The following SPON1 variants were observed in gnomAD, a reference collection of about 807,000 sequenced individuals.
The protein encoded by SPON1 is spondin 1, also known as spondin-1.
Under a neutral mutation model 111.7 loss-of-function variants are expected in SPON1, and 52 were observed. The observed-to-expected ratio is 0.47, with a 90% confidence interval of 0.37 to 0.59. SPON1 has a LOEUF of 0.59. Ranked by LOEUF, SPON1 falls within the 20% of genes least tolerant of loss-of-function variation. The probability of loss-of-function intolerance (pLI) is 0.00; values close to 1 mark genes in which losing one functional copy is unlikely to be tolerated. For missense variants in SPON1, 957 were observed against 1,068.5 expected (o/e 0.90, Z 1.46); for synonymous variants, 410 against 395.8 (o/e 1.04, Z -0.43).
At chr11:14,075,602 T>G (rs1848911033) in intron 4 of SPON1, among the ~76,000 whole-genome samples, 184 bp downstream of exon 4, 2 of 152,172 alleles carry the variant, frequency 1.3e-5, no homozygotes, top group Middle Eastern at 3.2e-3. Flanking sequence ...CGCCTTAAGC[T>G]CTAATTACTC....
Position 14,260,630 on chromosome 11 carries a change from A to G in SPON1, c.1874A>G (p.Asp625Gly), listed in dbSNP as rs782809914. The change falls in exon 14 of 16, where the codon GAC (aspartate) becomes GGC (glycine). Residue 625 changes from aspartate to glycine, a missense_variant. Physicochemically the swap from Asp to Gly is moderately conservative, Grantham distance 94. Transcript: ENST00000576479. ...CLLSPWSEWS[D>G]CSVTCGKGMR... ...CTGTCCCCATGGTCCGAGTGGAGTG[A>G]CTGCAGCGTGACCTGCGGGAAGGGC... 1.2e-6 allele frequency: 2 copies of G among 1,613,986 alleles called. No homozygotes were observed.
chr11:14,097,305 G>A (rs1009657097), intron 5 of SPON1, among the ~76,000 whole-genome samples: 4 of 152,068 alleles, frequency 2.6e-5, no homozygotes, highest in Non-Finnish European at 5.9e-5. Context: ...CATGTTTCCT[G>A]GTTTAAAAAT....
intron 6 of SPON1, among the ~76,000 whole-genome samples, chr11:14,220,771 TA>T (rs1848672276): frequency 6.6e-6 from 1 of 152,242 alleles, no homozygotes; most frequent in Non-Finnish European, 1.5e-5. Context: ...GTTATTAGTT[TA>T]ATTGAATAAT....
chr11:13,972,808 G>A (rs1848073250), intron 1 of SPON1, among the ~76,000 whole-genome samples: 1 of 152,136 alleles, frequency 6.6e-6, no homozygotes, highest in South Asian at 2.1e-4. Flanking sequence ...TCTTTCCACT[G>A]CAAGTGATAG....
chr11:14,054,083 A>G (rs1169259285), intron 3 of SPON1, among the ~76,000 whole-genome samples: 1 of 152,206 alleles, frequency 6.6e-6, no homozygotes, highest in Non-Finnish European at 1.5e-5. Context: ...GTGAACAATA[A>G]GATTGCATAA....
At chr11:14,242,537 C>T (rs782315462) in intron 6 of SPON1, among the ~76,000 whole-genome samples, 2 of 152,172 alleles carry the variant, frequency 1.3e-5, no homozygotes, top group African/African-American at 2.4e-5. Context: ...CTGTGGAGGC[C>T]TCCAGCCTTG....
intron 5 of SPON1, among the ~76,000 whole-genome samples, chr11:14,081,099 C>A (rs1278211787): frequency 9.2e-5 from 14 of 151,782 alleles, no homozygotes; most frequent in African/African-American, 1.9e-4. Context: ...AAAAAAAAAT[C>A]TTTTCATAAC....
chr11:14,244,935 C>A (rs1030419737), intron 7 of SPON1, among the ~76,000 whole-genome samples: 4 of 152,188 alleles, frequency 2.6e-5, no homozygotes, highest in Non-Finnish European at 4.4e-5. Flanking sequence ...GAATCCTGGG[C>A]AGTTCCTTGA....
chr11:14,113,529 G>A (rs1170086982), intron 5 of SPON1, among the ~76,000 whole-genome samples: 1 of 144,118 alleles, frequency 6.9e-6, no homozygotes, highest in Non-Finnish European at 1.5e-5. Flanking sequence ...ACTATGTGCA[G>A]GTCTTTGGAA....
In SPON1 at chr11:14,022,507, C is replaced by A. The variant is rs1044199783; in HGVS notation, c.346-19014C>A. 2.0e-5 allele frequency among the ~76,000 whole-genome samples: 3 copies of A among 152,200 alleles called. No individual in the cohort carries two copies. In the East Asian group the frequency reaches 5.8e-4, roughly 29 times the overall value. On this transcript the variant is annotated intron_variant, in intron 2 of 15. Transcript: ENST00000576479. ...TTGAGATTTGGGATCTAAATATGAC[C>A]GGGTGGAATATTGGCTCTGTTCATT...
chr11:14,036,636 G>T (rs145571372), intron 2 of SPON1, among the ~76,000 whole-genome samples: 1 of 152,150 alleles, frequency 6.6e-6, no homozygotes, highest in Non-Finnish European at 1.5e-5. Flanking sequence ...AAATATAAAC[G>T]AATGAATCAT....
chr11:13,972,284 T>C (rs1848069415), intron 1 of SPON1, among the ~76,000 whole-genome samples: 1 of 152,204 alleles, frequency 6.6e-6, no homozygotes, highest in Non-Finnish European at 1.5e-5. Context: ...ACACTGAGCT[T>C]GCAGCCAACT....
Position 13,967,539 on chromosome 11 carries a change from GAA to G in SPON1, c.238+4409_238+4410del, listed in dbSNP as rs57095669. 6.9e-4 allele frequency among the ~76,000 whole-genome samples: 98 copies of G among 142,050 alleles called. 2 individuals are homozygous for G. The highest frequency in any genetic ancestry group is 1.0e-3 in the African/African-American group (40 of 38,596). The allele number at this position is 142,050 out of a possible 152,430, so 93.2% of individuals were successfully genotyped here. ...GGATAGGAAAAAAAAAACCCAGAAA[GAA>G]AAAAAAAAAAAGAAAAAACAGATTT... On this transcript the variant is annotated intron_variant, in intron 1 of 15. Coordinates refer to ENST00000576479, the MANE Select transcript of SPON1 (RefSeq NM_006108.4).
chr11:14,248,539 G>T (rs191298225), intron 7 of SPON1, among the ~76,000 whole-genome samples: 1 of 152,064 alleles, frequency 6.6e-6, no homozygotes, highest in Non-Finnish European at 1.5e-5. Context: ...TGCACTCGGC[G>T]CTACTGGCTT....
chr11:14,166,587 A>G (rs1848032573), intron 6 of SPON1, among the ~76,000 whole-genome samples: 1 of 152,204 alleles, frequency 6.6e-6, no homozygotes, highest in Non-Finnish European at 1.5e-5. Flanking sequence ...AAAAGGACCA[A>G]AACAAGACAA....
chr11:13,990,527 T>C (rs1848221214), intron 2 of SPON1, among the ~76,000 whole-genome samples: 1 of 151,908 alleles, frequency 6.6e-6, no homozygotes, highest in African/African-American at 2.4e-5. Flanking sequence ...ATTTATCCAA[T>C]TTGTCAGTCT....
intron 5 of SPON1, among the ~76,000 whole-genome samples, chr11:14,107,901 C>G (rs1416593919): frequency 6.6e-6 from 1 of 152,152 alleles, no homozygotes; most frequent in Non-Finnish European, 1.5e-5. Flanking sequence ...TCAGATCCAT[C>G]TAGGAGTGTT....
chr11:14,149,318 TA>T (rs199670822), intron 6 of SPON1, among the ~76,000 whole-genome samples: 1,841 of 151,960 alleles, frequency 0.012, 34 homozygotes, highest in African/African-American at 0.042. Context: ...TTTAAAAAGT[TA>T]AAAAAAGAAT....
intron 2 of SPON1, among the ~76,000 whole-genome samples, chr11:13,984,451 GC>G (rs1564879215): frequency 6.6e-6 from 1 of 152,106 alleles, no homozygotes; most frequent in African/African-American, 2.4e-5. Context: ...GGGCCTTCTT[GC>G]TGCATTATCC....
Sources: gnomAD v4.1 joint callset for allele counts (sites outside exome capture counted in the v4.1 genomes callset) on GRCh38, gnomAD v4.1.1 for gene constraint, MANE v1.5 for transcripts, NCBI Gene and HGNC (gene_info 2026-07-23, HGNC 2026-07-21) for gene names.